ADAM12: variants seen among roughly 807,000 people sequenced by gnomAD.
The protein encoded by ADAM12 is ADAM metallopeptidase domain 12.
ADAM12 carries 70 observed loss-of-function variants against 106.4 expected under a neutral mutation model. That is an observed-to-expected ratio of 0.66 (90% confidence interval 0.54 to 0.80). ADAM12 has a LOEUF of 0.80. Among genes scored for constraint, ADAM12 ranks in the 30% least tolerant of loss-of-function variants. ADAM12 has a pLI of 0.00. For missense variants in ADAM12, 1,010 were observed against 1,171.9 expected, an observed-to-expected ratio of 0.86 and a Z score of 2.02; for synonymous variants, 420 against 433.5, an observed-to-expected ratio of 0.97 and a Z score of 0.39.
chr10:126,122,641 G>C (rs1276354696), intron 5 of ADAM12, among the ~76,000 whole-genome samples: 1 of 152,116 alleles, frequency 6.6e-6, no homozygotes, highest in African/African-American at 2.4e-5. Flanking sequence ...CGCACCTGTA[G>C]TCCCAGCTAC....
At chr10:126,085,032 G>C (rs1200289653) in intron 11 of ADAM12, among the ~76,000 whole-genome samples, 2 of 152,212 alleles carry the variant, frequency 1.3e-5, no homozygotes, top group Non-Finnish European at 2.9e-5. Context: ...GCTCACAACT[G>C]CTTTTAGATT....
chr10:126,221,689 G>A (rs966607868), intron 3 of ADAM12, among the ~76,000 whole-genome samples: 10 of 152,178 alleles, frequency 6.6e-5, no homozygotes, highest in African/African-American at 2.4e-4. Context: ...ACACCGAGGA[G>A]ACAGAGGTGC....
chr10:126,031,038 G>C (rs1468515720), intron 21 of ADAM12, among the ~76,000 whole-genome samples: 7 of 152,306 alleles, frequency 4.6e-5, no homozygotes, highest in Admixed American at 2.0e-4. Context: ...CTGGCATACT[G>C]GTAACTCCAG....
intron 3 of ADAM12, among the ~76,000 whole-genome samples, chr10:126,185,157 A>T (rs1957377904): frequency 6.6e-6 from 1 of 152,220 alleles, no homozygotes; most frequent in South Asian, 2.1e-4. Flanking sequence ...GTGGGTAACA[A>T]ATGCTGTGGG....
intron 2 of ADAM12, among the ~76,000 whole-genome samples, chr10:126,321,452 T>G (rs1219313952): frequency 6.6e-6 from 1 of 151,710 alleles, no homozygotes; most frequent in East Asian, 1.9e-4. Context: ...AACAAGCGAG[T>G]GGGTGGTGAG....
At chr10:126,096,692 G>C (rs1955564722) in intron 10 of ADAM12, among the ~76,000 whole-genome samples, 1 of 152,192 alleles carries the variant, frequency 6.6e-6, no homozygotes, top group Non-Finnish European at 1.5e-5. Context: ...TCAAGATGTT[G>C]ATCTTGCTGA....
chr10:126,360,555 A>C (rs1392802574), intron 1 of ADAM12, among the ~76,000 whole-genome samples: 1 of 152,174 alleles, frequency 6.6e-6, no homozygotes, highest in Non-Finnish European at 1.5e-5. Flanking sequence ...ACATAACAAA[A>C]TTCACCTTTA....
chr10:126,152,779 T>G (rs1240564193), intron 4 of ADAM12, among the ~76,000 whole-genome samples: 1 of 152,156 alleles, frequency 6.6e-6, no homozygotes, highest in African/African-American at 2.4e-5. Flanking sequence ...GTTGACTCAT[T>G]TTTATCTTGC....
intron 3 of ADAM12, among the ~76,000 whole-genome samples, chr10:126,186,221 G>T (rs925514956): frequency 6.6e-6 from 1 of 152,172 alleles, no homozygotes; most frequent in Non-Finnish European, 1.5e-5. Context: ...TTACCATGTT[G>T]TAATCCCCGC....
chr10:126,211,311 G>A (rs1309921640), intron 3 of ADAM12, among the ~76,000 whole-genome samples: 1 of 152,186 alleles, frequency 6.6e-6, no homozygotes, highest in Non-Finnish European at 1.5e-5. Context: ...ATGGAGCTAG[G>A]CAGGCGGCAT....
chr10:126,219,594 A>T (rs566977917), intron 3 of ADAM12, among the ~76,000 whole-genome samples: 10 of 152,334 alleles, frequency 6.6e-5, no homozygotes, highest in African/African-American at 1.9e-4. Flanking sequence ...GAAAATCCTT[A>T]TAGTTGAACA....
intron 1 of ADAM12, among the ~76,000 whole-genome samples, chr10:126,342,535 T>C (rs1248368426): frequency 6.6e-6 from 1 of 152,198 alleles, no homozygotes; most frequent in Non-Finnish European, 1.5e-5. Flanking sequence ...TGCTTAACTG[T>C]TTAAATCCTT....
At chr10:126,252,101 T>TTGGATGGATGGATGGGATGGA (rs1958791991) in intron 3 of ADAM12, among the ~76,000 whole-genome samples, 1 of 42,184 alleles carries the variant, frequency 2.4e-5, no homozygotes, top group South Asian at 7.9e-4. Flanking sequence ...ATGGGATGGA[T>TTGGATGGATGGATGGGATGGA]TGGATGGATG....
Position 126,101,241 on chromosome 10 carries a change from A to G in ADAM12, c.742T>C (p.Phe248Leu). 6.2e-7 allele frequency: 1 copy of G among 1,611,488 alleles called. No individual in the cohort carries two copies. The highest frequency in any genetic ancestry group is 8.5e-7 in the Non-Finnish European group (1 of 1,178,512). The change falls in exon 9 of 23, where the codon TTT becomes CTT. Residue 248 changes from phenylalanine (F) to leucine (L), a missense_variant and splice_region_variant. Phe to Leu is a conservative substitution (Grantham distance 22, BLOSUM62 0). This residue lies in a region of ADAM12 where 391 missense variants were observed against 442.9 expected (regional missense o/e 0.88). Coordinates refer to ENST00000448723, the MANE Select transcript of ADAM12 (RefSeq NM_001288973.2). ...LIEIANHVDK[F>L]YRPLNIRIVL... ...ATCCGAATGTTCAGTGGTCTGTAAA[A>G]CTGGGCAAAACAGGCAAAACTGGCA... is the stretch of plus-strand genomic sequence containing the variant.
chr10:126,387,989 C>T lies in ADAM12; in HGVS notation c.88+69G>A, dbSNP rs1319233907. On this transcript the variant is annotated intron_variant, in intron 1 of 22. Coordinates refer to ENST00000448723, the MANE Select transcript of ADAM12 (RefSeq NM_001288973.2). ...CCCTCGGGGCAGCCCTGGACCTCGG[C>T]GCGCCCAGGCGCAGCGTGCGGTGCC... The T allele has an allele frequency of 5.1e-6, 6 of 1,185,132 alleles. No homozygotes were observed. In the East Asian group the frequency reaches 1.1e-4, roughly 22 times the overall value. 73.4% of individuals were successfully genotyped at this position (1,185,132 alleles called of 1,614,324 possible).
At chr10:126,287,828 G>A (rs192686322) in intron 2 of ADAM12, among the ~76,000 whole-genome samples, 12 of 152,114 alleles carry the variant, frequency 7.9e-5, no homozygotes, top group African/African-American at 2.7e-4. Flanking sequence ...CATTTGTGAT[G>A]ATTTGTTGTT....
chr10:126,303,225 T>C (rs1396271564), intron 2 of ADAM12, among the ~76,000 whole-genome samples: 2 of 152,234 alleles, frequency 1.3e-5, no homozygotes, highest in Non-Finnish European at 2.9e-5. Context: ...GAGCTTTCAA[T>C]CCTTTTGGTA....
At chr10:126,062,695 G>C (rs537438521) in intron 14 of ADAM12, among the ~76,000 whole-genome samples, 6 of 152,312 alleles carry the variant, frequency 3.9e-5, no homozygotes, top group African/African-American at 1.2e-4. Context: ...CCTCACTCTG[G>C]AAACGGGGCC....
At chr10:126,119,434 T>C (rs537005233) in intron 5 of ADAM12, among the ~76,000 whole-genome samples, 5 of 152,194 alleles carry the variant, frequency 3.3e-5, no homozygotes, top group Admixed American at 6.5e-5. Context: ...TTACTATTAA[T>C]AAGGGCAGAT....
Sources: gnomAD v4.1 joint callset for allele counts (sites outside exome capture counted in the v4.1 genomes callset) on GRCh38, gnomAD v4.1.1 for gene constraint, gnomAD v4.1.1 regional missense constraint, MANE v1.5 for transcripts, NCBI Gene and HGNC (gene_info 2026-07-23, HGNC 2026-07-21) for gene names.